The following ELP4 variants were observed in gnomAD, a reference collection of about 807,000 sequenced individuals.
ELP4 encodes the protein elongator acetyltransferase complex subunit 4, also known as elongator complex protein 4.
A neutral mutation model predicts 48.9 loss-of-function variants in ELP4; 51 were observed. The ratio of observed to expected loss-of-function variants is 1.04; its 90% confidence interval spans 0.83 to 1.32. The LOEUF is 1.32. ELP4 is among the 40% of genes most tolerant of loss of function. ELP4 has a pLI of 0.00. For missense variants in ELP4, 519 were observed against 514.6 expected, an observed-to-expected ratio of 1.01 and a Z score of -0.08; for synonymous variants, 210 against 189.2, an observed-to-expected ratio of 1.11 and a Z score of -0.90.
chr11:31,638,755 G>A (rs1945030617), intron 7 of ELP4, among the ~76,000 whole-genome samples: 1 of 151,626 alleles, frequency 6.6e-6, no homozygotes, highest in African/African-American at 2.4e-5. Context: ...AAACTTTTTT[G>A]TTCATGCTGA....
At chr11:31,666,339 A>G (rs1411664224) in intron 9 of ELP4, among the ~76,000 whole-genome samples, 2 of 152,076 alleles carry the variant, frequency 1.3e-5, no homozygotes, top group Non-Finnish European at 2.9e-5. Context: ...TTAAAAATAG[A>G]TTTGAAGAGA....
chr11:31,624,284 A>T (rs1168828667), intron 5 of ELP4, among the ~76,000 whole-genome samples: 2 of 151,752 alleles, frequency 1.3e-5, no homozygotes, highest in Non-Finnish European at 3.0e-5. Context: ...AATTACACAA[A>T]TCTACGTGGT....
intron 9 of ELP4, among the ~76,000 whole-genome samples, chr11:31,667,448 G>T (rs962118092): frequency 2.6e-5 from 4 of 152,184 alleles, no homozygotes; most frequent in African/African-American, 9.6e-5. Context: ...CATCACAGAA[G>T]TGATTACTTA....
At chr11:31,736,165 A>T (rs1156673106) in intron 9 of ELP4, among the ~76,000 whole-genome samples, 4 of 152,216 alleles carry the variant, frequency 2.6e-5, no homozygotes, top group Non-Finnish European at 4.4e-5. Context: ...CCTCAGAAAT[A>T]AAGCCGCATA....
chr11:31,549,026 A>G (rs1278100803), intron 3 of ELP4, among the ~76,000 whole-genome samples: 3 of 152,158 alleles, frequency 2.0e-5, no homozygotes, highest in African/African-American at 7.2e-5. Flanking sequence ...CTAAAACCAT[A>G]AAAACCCTAG....
chr11:31,762,493 T>G (rs1326890594), intron 9 of ELP4, among the ~76,000 whole-genome samples: 1 of 152,096 alleles, frequency 6.6e-6, no homozygotes, highest in Non-Finnish European at 1.5e-5. Flanking sequence ...AAAATACTTA[T>G]TAAAATAAAG....
chr11:31,699,188 A>G (rs901211617), intron 9 of ELP4, among the ~76,000 whole-genome samples: 1 of 152,172 alleles, frequency 6.6e-6, no homozygotes, highest in Admixed American at 6.5e-5. Context: ...AAAAAATAAA[A>G]AAGAAGTGAA....
chr11:31,712,749 A>G (rs1323562622), intron 9 of ELP4, among the ~76,000 whole-genome samples: 1 of 152,188 alleles, frequency 6.6e-6, no homozygotes, highest in South Asian at 2.1e-4. Context: ...GCACAGCAGT[A>G]CTTTAGTTCA....
intron 9 of ELP4, among the ~76,000 whole-genome samples, chr11:31,737,511 C>T (rs970568840): frequency 6.6e-6 from 1 of 151,744 alleles, no homozygotes; most frequent in Non-Finnish European, 1.5e-5. Flanking sequence ...AGCTTCTGCA[C>T]CACAAAGGAA....
intron 9 of ELP4, among the ~76,000 whole-genome samples, chr11:31,688,538 T>C (rs1220073963): frequency 1.3e-5 from 2 of 152,202 alleles, no homozygotes; most frequent in Non-Finnish European, 2.9e-5. Context: ...CATACTAGAA[T>C]ACAGTACTGT....
intron 3 of ELP4, among the ~76,000 whole-genome samples, chr11:31,586,673 GCT>G (rs1209902218): frequency 1.3e-5 from 2 of 151,020 alleles, no homozygotes; most frequent in South Asian, 2.1e-4. Flanking sequence ...AGTCTTGCTC[GCT>G]CTGTCACCCA....
rs763572703 is a variant in ELP4, at chr11:31,543,654, G to C, written c.381+3871G>C. Among the ~76,000 whole-genome samples the C allele has an allele frequency of 1.1e-3, 170 of 152,244 alleles. 2 individuals are homozygous for C. Among genetic ancestry groups the C allele is most frequent in the Admixed American group, 1.8e-3 (27 of 15,288 alleles). On this transcript the variant is annotated intron_variant, in intron 3 of 9. Transcript: ENST00000640961. ...AATGCACATCATAATCAAATTTCTT[G>C]AAGCAAGTGATAAAGACAAAATCTT...
At chr11:31,668,987 T>A (rs571632513) in intron 9 of ELP4, among the ~76,000 whole-genome samples, 22 of 152,168 alleles carry the variant, frequency 1.4e-4, no homozygotes, top group Admixed American at 9.8e-4. Flanking sequence ...CTCCCCAGCC[T>A]CACCTCTTGT....
chr11:31,664,449 G>C (rs1264908715), intron 9 of ELP4: 1 of 152,024 alleles, frequency 6.6e-6, no homozygotes, highest in Non-Finnish European at 1.5e-5. Context: ...TTTGGTTGGG[G>C]GGGGAGTCTG....
At chr11:31,682,030 C>G (rs547744087) in intron 9 of ELP4, 1 of 1,289,594 alleles carries the variant, frequency 7.8e-7, no homozygotes, top group East Asian at 6.1e-5. Flanking sequence ...CATGAGCTAC[C>G]GCGCCCGGCC....
chr11:31,643,379 C>A (rs536939978), intron 7 of ELP4, among the ~76,000 whole-genome samples: 2 of 151,750 alleles, frequency 1.3e-5, no homozygotes, highest in East Asian at 3.9e-4. Flanking sequence ...ATTGATTTAC[C>A]CCTTTCAAGC....
At chr11:31,587,099 G>T (rs1438887496) in intron 3 of ELP4, among the ~76,000 whole-genome samples, 1 of 152,112 alleles carries the variant, frequency 6.6e-6, no homozygotes, top group Non-Finnish European at 1.5e-5. Flanking sequence ...TTTCTTAGAA[G>T]TTCCTATCGC....
chr11:31,687,416 A>AT (rs1443888188), intron 9 of ELP4, among the ~76,000 whole-genome samples: 3 of 152,226 alleles, frequency 2.0e-5, no homozygotes, highest in African/African-American at 7.2e-5. Context: ...ATAATGAACA[A>AT]TGCCAAATGC....
chr11:31,751,236 C>G (rs980703568), intron 9 of ELP4, among the ~76,000 whole-genome samples: 2 of 152,194 alleles, frequency 1.3e-5, no homozygotes, highest in Non-Finnish European at 2.9e-5. Flanking sequence ...ATGGCCGTAT[C>G]CAAGAACAAA....
Sources: allele counts gnomAD v4.1 joint callset (sites outside exome capture counted in the v4.1 genomes callset), GRCh38; gene constraint gnomAD v4.1.1; transcripts MANE v1.5; gene names NCBI Gene and HGNC (gene_info 2026-07-23, HGNC 2026-07-21).